GFRA2: variants seen among roughly 807,000 people sequenced by gnomAD.
The protein encoded by GFRA2 is GDNF family receptor alpha-2.
A neutral mutation model predicts 48.3 loss-of-function variants in GFRA2; 17 were observed. The ratio of observed to expected loss-of-function variants is 0.35; its 90% CI spans 0.24 to 0.53. The LOEUF is 0.53. GFRA2 is among the 20% of genes least tolerant of loss of function. The pLI, the probability that GFRA2 is intolerant of heterozygous loss-of-function variation, is 0.93. For synonymous variants in GFRA2, 305 were observed against 257.2 expected (o/e 1.19, Z -1.78); for missense variants, 660 against 637.3 (o/e 1.04, Z -0.38).
At chr8:21,740,924 C>CGAG (rs1804717293) in intron 4 of GFRA2, among the ~76,000 whole-genome samples, 1 of 152,194 alleles carries the variant, frequency 6.6e-6, no homozygotes, top group Admixed American at 6.5e-5. Flanking sequence ...CTTCTACCTC[C>CGAG]GAAATATCTC....
At chr8:21,713,323 G>A (rs867049988) in intron 4 of GFRA2, among the ~76,000 whole-genome samples, 29 of 151,542 alleles carry the variant, frequency 1.9e-4, no homozygotes, top group Admixed American at 1.3e-3. Flanking sequence ...CCCACCCACC[G>A]TAGCTGGGAT....
At chr8:21,741,248 G>A (rs940193856) in intron 4 of GFRA2, among the ~76,000 whole-genome samples, 4 of 151,946 alleles carry the variant, frequency 2.6e-5, no homozygotes, top group African/African-American at 7.3e-5. Flanking sequence ...TCTGAGCCCC[G>A]CTGCCCCAGC....
upstream of GFRA2, chr8:21,790,056 T>C (rs1040165776): frequency 4.1e-6 from 4 of 984,954 alleles, no homozygotes; most frequent in South Asian, 1.9e-4. Context: ...CATCTGTCGG[T>C]GGGCCGGGCT....
chr8:21,722,271 A>G (rs1279966066), intron 4 of GFRA2, among the ~76,000 whole-genome samples: 1 of 152,160 alleles, frequency 6.6e-6, no homozygotes, highest in Non-Finnish European at 1.5e-5. Flanking sequence ...AAGCCAGGGA[A>G]GGGAGCCATG....
intron 3 of GFRA2, among the ~76,000 whole-genome samples, chr8:21,756,102 G>C (rs1318773423): frequency 3.3e-5 from 5 of 152,192 alleles, no homozygotes; most frequent in Non-Finnish European, 7.3e-5. Flanking sequence ...ACTGCAAGCG[G>C]AACAGCAGCT....
intron 3 of GFRA2, chr8:21,769,284 G>C (rs79579336): frequency 2.8e-6 from 1 of 351,232 alleles, no homozygotes; most frequent in Non-Finnish European, 3.7e-6. Context: ...TTCCATGATC[G>C]ATTCCTGCAC....
intron 1 of GFRA2, 54 bp downstream of exon 1, chr8:21,788,066 C>CCGCCTCCCCGGCTTCT (rs1447524800): frequency 1.9e-6 from 2 of 1,035,764 alleles, no homozygotes; most frequent in Non-Finnish European, 2.9e-6. Context: ...CGCTCGCCCC[C>CCGCCTCCCCGGCTTCT]CGCCTCCCCG....
At chr8:21,786,692 C>G (rs1203422214) in intron 1 of GFRA2, among the ~76,000 whole-genome samples, 1 of 152,180 alleles carries the variant, frequency 6.6e-6, no homozygotes, top group Non-Finnish European at 1.5e-5. Flanking sequence ...GGGACTTGCC[C>G]CCTTGGGGAC....
At chr8:21,732,645 T>C (rs1033907341) in intron 4 of GFRA2, among the ~76,000 whole-genome samples, 1 of 152,218 alleles carries the variant, frequency 6.6e-6, no homozygotes, top group Non-Finnish European at 1.5e-5. Flanking sequence ...CCCAGCCCAA[T>C]GGTCCTGCAG....
chr8:21,716,870 C>T (rs902730045), intron 4 of GFRA2, among the ~76,000 whole-genome samples: 2 of 152,208 alleles, frequency 1.3e-5, no homozygotes, highest in Admixed American at 6.5e-5. Flanking sequence ...CAAATAACAA[C>T]ACCTCACGCC....
At chr8:21,718,561 G>C (rs1284575488) in intron 4 of GFRA2, among the ~76,000 whole-genome samples, 1 of 152,158 alleles carries the variant, frequency 6.6e-6, no homozygotes, top group East Asian at 1.9e-4. Context: ...ATTAACATTA[G>C]GAGGCTCCAC....
chr8:21,786,155 A>G (rs1480248712), intron 1 of GFRA2, among the ~76,000 whole-genome samples: 2 of 152,184 alleles, frequency 1.3e-5, no homozygotes, highest in African/African-American at 4.8e-5. Flanking sequence ...CTCAGCCTCC[A>G]GGGTTGCAGA....
intron 3 of GFRA2, among the ~76,000 whole-genome samples, chr8:21,771,479 C>T (rs1019516492): frequency 2.6e-5 from 4 of 152,160 alleles, no homozygotes; most frequent in Non-Finnish European, 2.9e-5. Flanking sequence ...CTCATTGACC[C>T]ACTGCTGAGC....
intron 4 of GFRA2, among the ~76,000 whole-genome samples, chr8:21,713,952 C>T (rs1467655191): frequency 6.6e-6 from 1 of 152,162 alleles, no homozygotes; most frequent in Admixed American, 6.5e-5. Context: ...CTTTGCGCCA[C>T]AGCCAGAGAA....
chr8:21,749,967 A>G (rs116497499), intron 4 of GFRA2, among the ~76,000 whole-genome samples: 2,646 of 152,212 alleles, frequency 0.017, 71 homozygotes, highest in African/African-American at 0.059. Context: ...GCTTACCAAC[A>G]TAGTAGCCTC....
chr8:21,783,682 A>C (rs1052329917), intron 1 of GFRA2, among the ~76,000 whole-genome samples: 27 of 151,730 alleles, frequency 1.8e-4, no homozygotes, highest in African/African-American at 6.5e-4. Flanking sequence ...CGGAGACCTG[A>C]ACTCTCCTCT....
At chr8:21,700,910 C>A (rs575968906) in intron 7 of GFRA2, among the ~76,000 whole-genome samples, 2 of 152,082 alleles carry the variant, frequency 1.3e-5, no homozygotes, top group Non-Finnish European at 2.9e-5. Flanking sequence ...TAACACCCTA[C>A]GACCCCACAA....
chr8:21,773,279 C>A (rs2117699718), intron 3 of GFRA2, among the ~76,000 whole-genome samples: 1 of 152,302 alleles, frequency 6.6e-6, no homozygotes, highest in East Asian at 1.9e-4. Context: ...TCTGTATGAC[C>A]CCACTGGGGG....
At chr8:21,734,376 C>A (rs1804348151) in intron 4 of GFRA2, among the ~76,000 whole-genome samples, 1 of 152,248 alleles carries the variant, frequency 6.6e-6, no homozygotes, top group Admixed American at 6.5e-5. Flanking sequence ...GGGGTCTACC[C>A]AACATGCAGA....
Sources: gnomAD v4.1 joint callset for allele counts (sites outside exome capture counted in the v4.1 genomes callset) on GRCh38, gnomAD v4.1.1 for gene constraint, MANE v1.5 for transcripts, NCBI Gene and HGNC (gene_info 2026-07-23, HGNC 2026-07-21) for gene names.